Variants in GAK observed in about 807,000 individuals in gnomAD.
GAK encodes the protein cyclin G associated kinase.
In GAK, 79 loss-of-function variants were observed where a neutral mutation model predicts 143.9. That is an observed-to-expected ratio of 0.55 (90% CI 0.46 to 0.66). The LOEUF (loss-of-function observed/expected upper bound fraction) is 0.66, where lower values mean the gene tolerates loss of function less well. GAK is among the 30% of genes least tolerant of loss of function. GAK has a pLI of 0.00. For synonymous variants in GAK, 881 were observed against 765.5 expected (o/e 1.15, Z -2.49); for missense variants, 1,693 against 1,779.7 (o/e 0.95, Z 0.88).
At chr4:868,373 C>T (rs562726965) in intron 20 of GAK, among the ~76,000 whole-genome samples, 166 bp downstream of exon 20, 9 of 152,246 alleles carry the variant, frequency 5.9e-5, no homozygotes, top group South Asian at 4.1e-4. Context: ...ATTCTTAGCT[C>T]GTGAGCCATT....
At chr4:919,682 C>A (rs1160698709) in intron 1 of GAK, among the ~76,000 whole-genome samples, 3 of 152,244 alleles carry the variant, frequency 2.0e-5, no homozygotes, top group African/African-American at 7.2e-5. Flanking sequence ...CCCATCCCAG[C>A]CACTCTTTAT....
chr4:881,943 T>C lies in GAK; in HGVS notation c.1625A>G (p.Lys542Arg), dbSNP rs763758477. 7 of 1,596,488 alleles carry C rather than the reference T, an allele frequency of 4.4e-6. No homozygotes were observed. Among genetic ancestry groups the C allele is most frequent in the Non-Finnish European group, 6.0e-6 (7 of 1,171,494 alleles). The change falls in exon 15 of 28, where the codon AAG becomes AGG. Residue 542 changes from lysine (K) to arginine (R), a missense_variant. Physicochemically the swap from Lys to Arg is conservative, Grantham distance 26. Transcript: ENST00000314167. ...AEAAVYMFSMKRCPPGIWPSH... is the reference protein window; with the variant it reads ...AEAAVYMFSMRRCPPGIWPSH... ...TGGCCAGATGCCTGGTGGGCAGCGC[T>C]TCATGCTGAACATGTACACGGCGGC...
intron 1 of GAK, among the ~76,000 whole-genome samples, chr4:931,429 C>A (rs559120425): frequency 6.6e-6 from 1 of 150,398 alleles, no homozygotes; most frequent in Non-Finnish European, 1.5e-5. Context: ...CCCCCCCACC[C>A]CCCAGGCTAC....
intron 1 of GAK, among the ~76,000 whole-genome samples, chr4:914,466 G>A (rs1442274154): frequency 8.8e-5 from 6 of 67,820 alleles, no homozygotes; most frequent in Admixed American, 2.1e-4. Flanking sequence ...GCCCCAGTGT[G>A]CACGGCCCCA....
chr4:905,227 G>A (rs1391152072), intron 4 of GAK, among the ~76,000 whole-genome samples: 3 of 152,166 alleles, frequency 2.0e-5, no homozygotes, highest in African/African-American at 4.8e-5. Context: ...CCCCCACACC[G>A]TGGAGTGTAC....
intron 4 of GAK, among the ~76,000 whole-genome samples, chr4:911,179 G>T (rs959211828): frequency 2.0e-5 from 3 of 152,136 alleles, no homozygotes; most frequent in Admixed American, 1.3e-4. Flanking sequence ...GGGACCTGGA[G>T]TTGTCCACCT....
rs929519078 is a variant in GAK at position 884,070 on chromosome 4, G to T, written c.1222C>A (p.Leu408Met). 2 of 1,613,800 alleles carry T rather than the reference G, an allele frequency of 1.2e-6. No individual in the cohort carries two copies. The change falls in exon 12 of 28, where the codon CTG (leucine) becomes ATG (methionine). Residue 408 changes from leucine (L) to methionine (M), a missense_variant. Coordinates refer to ENST00000314167, the MANE Select transcript of GAK (RefSeq NM_005255.4). ...QSVANYAKGD[L>M]DISYITSRIA... ...CTGGATGTGATGTAAGATATGTCCA[G>T]GTCACCCTTTGCATAACTGGAATTA... is the stretch of plus-strand genomic sequence containing the variant.
At chr4:931,944 G>T in intron 1 of GAK, 99 bp downstream of exon 1, 1 of 895,120 alleles carries the variant, frequency 1.1e-6, no homozygotes, top group Non-Finnish European at 1.7e-6. Flanking sequence ...ACCCTCCCCA[G>T]CCCTAACCCA....
intron 18 of GAK, among the ~76,000 whole-genome samples, chr4:874,841 CCA>C (rs1236297223): frequency 1.3e-5 from 2 of 152,166 alleles, no homozygotes; most frequent in Non-Finnish European, 2.9e-5. Flanking sequence ...CCCTGCAGTG[CCA>C]CAGTCTCTCT....
At chr4:892,228 C>T (rs756805152) in intron 9 of GAK, among the ~76,000 whole-genome samples, 35 of 152,250 alleles carry the variant, frequency 2.3e-4, no homozygotes, top group African/African-American at 6.0e-4. Flanking sequence ...CTGGAAGTTC[C>T]GGCTTCCAGC....
rs532069279 is a variant in GAK, at chr4:926,687, G to A, written c.145+5356C>T. Among the ~76,000 whole-genome samples, 9 of 152,284 alleles carry A rather than the reference G, an allele frequency of 5.9e-5. No homozygotes were observed. In the South Asian group the frequency reaches 1.9e-3, roughly 32 times the overall value. ...GTGGACAAATGTTGATGATCAAGCT[G>A]TCAACTTGGAAGTGAAGGCGGTTGG... On this transcript the variant is annotated intron_variant, in intron 1 of 27. Transcript: ENST00000314167.
intron 1 of GAK, among the ~76,000 whole-genome samples, chr4:925,222 AC>A (rs1473553854): frequency 1.3e-5 from 2 of 151,538 alleles, no homozygotes; most frequent in Non-Finnish European, 2.9e-5. Flanking sequence ...AATAAAACAA[AC>A]CCCCAGGGGA....
chr4:851,156 G>A (rs1373664839), intron 25 of GAK, 72 bp from the exon 26 acceptor site: 1 of 1,356,606 alleles, frequency 7.4e-7, no homozygotes, highest in African/African-American at 1.4e-5. Context: ...AGAGTGCAAT[G>A]GCGTGATCTC....
intron 25 of GAK, 38 bp from the exon 26 acceptor site, chr4:851,122 G>C: frequency 1.9e-6 from 3 of 1,576,514 alleles, no homozygotes; most frequent in East Asian, 2.3e-5. Flanking sequence ...TTTGAGACAG[G>C]GTCTCCACTC....
intron 23 of GAK, among the ~76,000 whole-genome samples, chr4:863,987 C>T (rs1037494562): frequency 5.3e-5 from 8 of 152,084 alleles, no homozygotes; most frequent in South Asian, 2.1e-4. Context: ...TGCACCACTG[C>T]GCTCCACAGC....
intron 1 of GAK, among the ~76,000 whole-genome samples, chr4:925,928 A>T (rs745699940): frequency 4.6e-5 from 7 of 152,196 alleles, no homozygotes; most frequent in Non-Finnish European, 7.4e-5. Context: ...TGAGCAATTC[A>T]CCAGGAGTCC....
In GAK at chr4:893,974, C is replaced by A. The variant is rs368323761; in HGVS notation, c.777G>T (p.Arg259=). The change falls in exon 8 of 28, where the codon CGG becomes CGT. Residue 259 remains arginine (R), a synonymous_variant. Coordinates refer to ENST00000314167, the MANE Select transcript of GAK (RefSeq NM_005255.4). ...TCGCTCCATCCTCAAAAGGGTGCTGCCGGAAGCACAGCAGGTACAAGATGC... is the reference window on the plus strand; with the variant it reads ...TCGCTCCATCCTCAAAAGGGTGCTGACGGAAGCACAGCAGGTACAAGATGC... ...LGCILYLLCF[R]QHPFEDGAKL... is the part of the protein sequence containing the mutation. 1.2e-5 allele frequency: 19 copies of A among 1,612,138 alleles called. No homozygotes were observed. The highest frequency in any genetic ancestry group is 1.6e-5 in the Non-Finnish European group (19 of 1,179,390).
At chr4:866,828 G>C (rs1304537848) in intron 21 of GAK, 128 bp downstream of exon 21, 3 of 749,054 alleles carry the variant, frequency 4.0e-6, no homozygotes, top group Non-Finnish European at 6.5e-6. Flanking sequence ...GCTGCTCCTG[G>C]GGGAGGTGGG....
At chr4:864,178 G>A (rs1185880891) in intron 23 of GAK, among the ~76,000 whole-genome samples, 5 of 152,094 alleles carry the variant, frequency 3.3e-5, no homozygotes, top group Non-Finnish European at 2.9e-5. Flanking sequence ...GAGCAACATG[G>A]CAAAACTTTG....
Sources: allele counts gnomAD v4.1 joint callset (sites outside exome capture counted in the v4.1 genomes callset), GRCh38; gene constraint gnomAD v4.1.1; transcripts MANE v1.5; gene names NCBI Gene and HGNC (gene_info 2026-07-23, HGNC 2026-07-21).